The following LRBA variants were observed in gnomAD, a reference collection of about 807,000 sequenced individuals.
LRBA encodes LPS responsive beige-like anchor protein, also known as lipopolysaccharide-responsive and beige-like anchor protein.
LRBA carries 176 observed loss-of-function variants against 330.0 expected under a neutral mutation model. The observed-to-expected ratio is 0.53, with a 90% CI of 0.47 to 0.60. LRBA has a LOEUF of 0.60. LRBA is among the 20% of genes least tolerant of loss of function. LRBA has a pLI of 0.00. For missense variants in LRBA, 3,259 were observed against 3,444.8 expected (o/e 0.95, Z 1.35); for synonymous variants, 1,230 against 1,193.0 (o/e 1.03, Z -0.64).
intron 37 of LRBA, among the ~76,000 whole-genome samples, chr4:150,675,374 CCTAT>C (rs1159849249): frequency 3.3e-5 from 5 of 152,204 alleles, no homozygotes; most frequent in Non-Finnish European, 4.4e-5. Context: ...ATTAATACTA[CCTAT>C]CTCATTGCTC....
intron 2 of LRBA, among the ~76,000 whole-genome samples, chr4:150,942,782 C>G (rs1019035638): frequency 1.3e-5 from 2 of 152,104 alleles, no homozygotes; most frequent in East Asian, 3.9e-4. Context: ...AAAATGTGTC[C>G]ATTCATAGCC....
At chr4:150,950,467 T>G (rs1736709531) in intron 2 of LRBA, among the ~76,000 whole-genome samples, 1 of 152,136 alleles carries the variant, frequency 6.6e-6, no homozygotes, top group African/African-American at 2.4e-5. Flanking sequence ...TAAAATACAT[T>G]TTTAAATTTG....
In LRBA at chr4:150,828,595, A is replaced by C; in HGVS notation, c.4756T>G (p.Leu1586Val). 1.2e-6 allele frequency: 2 copies of C among 1,614,016 alleles called. No homozygotes were observed. Among genetic ancestry groups the C allele is most frequent in the Non-Finnish European group, 1.7e-6 (2 of 1,179,964 alleles). The change falls in exon 30 of 57, where the codon TTA (leucine) becomes GTA (valine). Residue 1586 changes from leucine (L) to valine (V), a missense_variant. Coordinates refer to ENST00000651943, the MANE Select transcript of LRBA (RefSeq NM_001364905.1). ...SEITPAAFST[L>V]TTASVEESES... is the part of the protein sequence containing the mutation. ...GATTCTTCCACTGATGCCGTAGTTA[A>C]AGTGCTGAATGCTGCTGGTGTGATT...
At chr4:150,489,386 GAA>G in intron 41 of LRBA, among the ~76,000 whole-genome samples, 1 of 52,016 alleles carries the variant, frequency 1.9e-5, no homozygotes, top group Non-Finnish European at 3.7e-5. Flanking sequence ...TTACATATAA[GAA>G]TATAAAATAT....
intron 53 of LRBA, among the ~76,000 whole-genome samples, chr4:150,291,359 C>A (rs1728266412): frequency 1.9e-5 from 1 of 51,446 alleles, no homozygotes; most frequent in African/African-American, 8.6e-5. Flanking sequence ...CTACAATGAA[C>A]TCAAACAAAT....
chr4:150,856,859 C>G (rs967733657), intron 22 of LRBA, among the ~76,000 whole-genome samples: 3 of 152,120 alleles, frequency 2.0e-5, no homozygotes, highest in Non-Finnish European at 2.9e-5. Flanking sequence ...CTATAAACTA[C>G]TAGTTAAAGA....
In LRBA at chr4:150,848,800, C is replaced by T. The variant is rs199713609; in HGVS notation, c.4339+18G>A. The T allele has an allele frequency of 1.4e-3, 2,154 of 1,561,770 alleles. 4 individuals carry two copies. Among genetic ancestry groups the T allele is most frequent in the Non-Finnish European group, 1.7e-3 (1,970 of 1,157,384 alleles). Reference sequence around the variant, plus strand: ...AAAATTTTTTTTAGTAAATTCCCAACGGTTTTTAGCAGCTCACCTAGTCGG... The same window carrying T: ...AAAATTTTTTTTAGTAAATTCCCAATGGTTTTTAGCAGCTCACCTAGTCGG... On this transcript the variant is annotated intron_variant, in intron 26 of 56. Coordinates refer to ENST00000651943, the MANE Select transcript of LRBA (RefSeq NM_001364905.1).
intron 2 of LRBA, among the ~76,000 whole-genome samples, chr4:150,986,411 T>C (rs879918129): frequency 7.2e-5 from 11 of 152,184 alleles, no homozygotes; most frequent in South Asian, 2.1e-4. Flanking sequence ...TATGAGAATA[T>C]GTACATAGAC....
chr4:150,400,141 G>A (rs541407103), intron 47 of LRBA, among the ~76,000 whole-genome samples: 10 of 152,288 alleles, frequency 6.6e-5, no homozygotes, highest in African/African-American at 2.4e-4. Context: ...ATGAAGTTGG[G>A]GAAGTAAGCA....
At chr4:150,341,259 T>C (rs72734408) in intron 48 of LRBA, among the ~76,000 whole-genome samples, 6 of 152,124 alleles carry the variant, frequency 3.9e-5, no homozygotes, top group Non-Finnish European at 8.8e-5. Flanking sequence ...CCTCCCCAGT[T>C]CAAACAATTC....
intron 29 of LRBA, among the ~76,000 whole-genome samples, chr4:150,830,758 T>C (rs988766967): frequency 3.3e-4 from 2 of 6,060 alleles, no homozygotes; most frequent in Non-Finnish European, 2.1e-3. Context: ...ACAGAGTTAC[T>C]TTTTTTTTTT....
intron 44 of LRBA, among the ~76,000 whole-genome samples, chr4:150,462,024 G>T (rs555011661): frequency 6.6e-6 from 1 of 151,686 alleles, no homozygotes; most frequent in Non-Finnish European, 1.5e-5. Flanking sequence ...TACTTTTATG[G>T]TATGACATTT....
chr4:150,544,881 A>C (rs1196970017), intron 40 of LRBA, among the ~76,000 whole-genome samples: 3 of 152,228 alleles, frequency 2.0e-5, no homozygotes, highest in African/African-American at 7.2e-5. Flanking sequence ...CTGATAACCA[A>C]AACAAACAAG....
At chr4:150,869,206 A>G (rs1753124725) in intron 20 of LRBA, among the ~76,000 whole-genome samples, 1 of 150,596 alleles carries the variant, frequency 6.6e-6, no homozygotes, top group African/African-American at 2.4e-5. Flanking sequence ...GGCATGAGCC[A>G]CCACGGCCGG....
intron 17 of LRBA, among the ~76,000 whole-genome samples, chr4:150,887,768 C>CAAAA (rs33950813): frequency 3.6e-5 from 3 of 82,228 alleles, no homozygotes; most frequent in Admixed American, 2.7e-4. Flanking sequence ...GACTCCGTCT[C>CAAAA]AAAAAAAAAA....
chr4:150,513,811 C>T (rs1762071835), intron 40 of LRBA, among the ~76,000 whole-genome samples: 1 of 152,148 alleles, frequency 6.6e-6, no homozygotes, highest in South Asian at 2.1e-4. Context: ...AGTCTATCTC[C>T]AGATTCAGTC....
chr4:150,768,084 GTT>G (rs70941439), intron 34 of LRBA, among the ~76,000 whole-genome samples: 6 of 116,372 alleles, frequency 5.2e-5, no homozygotes, highest in African/African-American at 7.3e-5. Context: ...AAAAAAAAAA[GTT>G]TTTTTTTTCA....
At chr4:150,818,363 G>C (rs984031856) in intron 30 of LRBA, among the ~76,000 whole-genome samples, 1 of 152,018 alleles carries the variant, frequency 6.6e-6, no homozygotes, top group South Asian at 2.1e-4. Context: ...ATGTACTTCA[G>C]GGTAGCTGGT....
rs1224113307 is a variant in LRBA, at chr4:150,828,305, G to A, written c.5046C>T (p.Leu1682=). Residue 1682 remains leucine, a synonymous_variant, in exon 30 of 57, where the codon CTC becomes CTT. Coordinates refer to ENST00000651943, the MANE Select transcript of LRBA (RefSeq NM_001364905.1). The part of the protein sequence containing the change: ...VSKNVNVKDI[L]RSLVNIPADG... ...CTGCTGGTATGTTAACCAAGCTTCG[G>A]AGAATGTCTTTCACATTGACGTTTT... 2.5e-6 allele frequency: 4 copies of A among 1,614,026 alleles called. No homozygotes were observed. The highest frequency in any genetic ancestry group is 1.3e-5 in the African/African-American group (1 of 74,924).
Sources: allele counts gnomAD v4.1 joint callset (sites outside exome capture counted in the v4.1 genomes callset), GRCh38; gene constraint gnomAD v4.1.1; transcripts MANE v1.5; gene names NCBI Gene and HGNC (gene_info 2026-07-23, HGNC 2026-07-21).